SLC25A16: variants seen among roughly 807,000 people sequenced by gnomAD.
The protein encoded by SLC25A16 is mitochondrial coenzyme A transporter SLC25A16.
SLC25A16 carries 39 observed loss-of-function variants against 41.5 expected under a neutral mutation model. The observed-to-expected ratio is 0.94, with a 90% CI of 0.73 to 1.23. The LOEUF is 1.23. Among genes scored for constraint, SLC25A16 ranks in the 50% most tolerant of loss-of-function variants. The pLI, the probability that SLC25A16 is intolerant of heterozygous loss-of-function variation, is 0.00. For synonymous variants in SLC25A16, 146 were observed against 147.8 expected, an observed-to-expected ratio of 0.99 and a Z score of 0.09; for missense variants, 421 against 426.9, an observed-to-expected ratio of 0.99 and a Z score of 0.12.
At chr10:68,509,739 A>T (rs532287283) in intron 2 of SLC25A16, among the ~76,000 whole-genome samples, 2 of 132,526 alleles carry the variant, frequency 1.5e-5, no homozygotes, top group Non-Finnish European at 3.2e-5. Flanking sequence ...ATCTATATAT[A>T]TATCTATATA....
intron 1 of SLC25A16, among the ~76,000 whole-genome samples, chr10:68,519,368 TC>T (rs2053213781): frequency 6.6e-6 from 1 of 150,510 alleles, no homozygotes; most frequent in Non-Finnish European, 1.5e-5. Context: ...ACACCTGTAA[TC>T]CCAGCTACTC....
chr10:68,510,121 CAT>C (rs2053035149), intron 2 of SLC25A16, among the ~76,000 whole-genome samples: 1 of 152,124 alleles, frequency 6.6e-6, no homozygotes, highest in East Asian at 1.9e-4. Flanking sequence ...AAAATAAAAA[CAT>C]GTCTTTGATG....
chr10:68,506,449 T>TAA, intron 3 of SLC25A16, 136 bp downstream of exon 3: 274 of 533,156 alleles, frequency 5.1e-4, no homozygotes, highest in South Asian at 8.6e-4. Flanking sequence ...TCTCAAAAAT[T>TAA]AAAAAAAAAA....
intron 1 of SLC25A16, among the ~76,000 whole-genome samples, chr10:68,520,657 C>A (rs1430604372): frequency 6.6e-6 from 1 of 151,872 alleles, no homozygotes; most frequent in Non-Finnish European, 1.5e-5. Flanking sequence ...ACTAAAAATA[C>A]AAAAATTAGC....
Position 68,512,495 on chromosome 10 carries a change from C to G in SLC25A16, c.223+4256G>C, listed in dbSNP as rs1401094141. 6.2e-5 allele frequency among the ~76,000 whole-genome samples: 8 copies of G among 128,992 alleles called. 1 individual carries two copies. Among genetic ancestry groups the G allele is most frequent in the Non-Finnish European group, 1.6e-5 (1 of 62,270 alleles). The allele number at this position is 128,992 out of a possible 152,430, so 84.6% of individuals were successfully genotyped here. On this transcript the variant is annotated intron_variant, in intron 2 of 8. Transcript: ENST00000609923. ...TACTAAAAAAATACAAAAAATTAGCCGGGCGTAGTGGCGGGCGCCTGTAGT... is the reference window on the plus strand; with the variant it reads ...TACTAAAAAAATACAAAAAATTAGCGGGGCGTAGTGGCGGGCGCCTGTAGT...
At position 68,526,734 on chromosome 10, in the gene SLC25A16, T is replaced by C. The variant is rs60376257; in HGVS notation, c.130+512A>G. Among the ~76,000 whole-genome samples, 368 of 152,310 alleles carry C rather than the reference T, an allele frequency of 2.4e-3. 10 individuals are homozygous for C. In the East Asian group the frequency reaches 0.059, roughly 25 times the overall value. On this transcript the variant is annotated intron_variant, in intron 1 of 8. Transcript: ENST00000609923. ...TTTGATCCCAAAGTCACATCAATAATAGGGCTTGTCAAGTACTGTGTCACA... is the reference window on the plus strand; with the variant it reads ...TTTGATCCCAAAGTCACATCAATAACAGGGCTTGTCAAGTACTGTGTCACA...
At chr10:68,524,547 A>G (rs183047229) in intron 1 of SLC25A16, among the ~76,000 whole-genome samples, 1 of 150,580 alleles carries the variant, frequency 6.6e-6, no homozygotes, top group East Asian at 2.0e-4. Context: ...TCAAAAATAA[A>G]TAAATAAATA....
In SLC25A16 at chr10:68,488,638, C is replaced by A. The variant is rs1362169677; in HGVS notation, c.611-9G>T. The A allele has an allele frequency of 1.2e-5, 19 of 1,608,186 alleles. No individual in the cohort carries two copies. The African/African-American group carries it at 1.3e-4, about 11-fold the overall frequency. On this transcript the variant is annotated splice_polypyrimidine_tract_variant and intron_variant, in intron 6 of 8. Coordinates refer to ENST00000609923, the MANE Select transcript of SLC25A16 (RefSeq NM_152707.4). The stretch of plus-strand genomic sequence containing the variant: ...AGTAAAAAATGAAACACCTGAAAAA[C>A]AAAAAATAAATTCACCATGATGCTT...
intron 6 of SLC25A16, among the ~76,000 whole-genome samples, chr10:68,489,718 T>C (rs1047615560): frequency 1.6e-4 from 24 of 151,966 alleles, no homozygotes; most frequent in Non-Finnish European, 3.1e-4. Flanking sequence ...CTGGCCAACA[T>C]GGTGAAACCC....
At chr10:68,503,721 A>G (rs2052898540) in intron 3 of SLC25A16, 26 bp from the exon 4 acceptor site, 1 of 1,461,188 alleles carries the variant, frequency 6.8e-7, no homozygotes, top group Non-Finnish European at 9.5e-7. Context: ...ACTGAATTAA[A>G]TGAGATATTT....
rs2052470782 is a variant in SLC25A16 at position 68,480,384 on chromosome 10, A to G, written c.*3048T>C. The G allele has an allele frequency of 1.3e-5, 2 of 152,084 alleles. No individual in the cohort carries two copies. Among genetic ancestry groups the G allele is most frequent in the Non-Finnish European group, 2.9e-5 (2 of 68,018 alleles). 9.4% of individuals were successfully genotyped at this position (152,084 alleles called of 1,614,324 possible). Reference sequence around the variant, plus strand: ...AAAGAAAGAAATTGTCAAAACATGGATAAAATTTATTTTTAATATCCTCTG... The same window carrying G: ...AAAGAAAGAAATTGTCAAAACATGGGTAAAATTTATTTTTAATATCCTCTG... On this transcript the variant is annotated 3_prime_UTR_variant, in exon 9 of 9. Coordinates refer to ENST00000609923, the MANE Select transcript of SLC25A16 (RefSeq NM_152707.4).
Position 68,516,847 on chromosome 10 carries a change from A to C in SLC25A16, c.131-4T>G. The C allele has an allele frequency of 6.2e-7, 1 of 1,605,542 alleles. No individual in the cohort carries two copies. The highest frequency in any genetic ancestry group is 8.5e-7 in the Non-Finnish European group (1 of 1,174,284). Reference sequence around the variant, plus strand: ...TTGGCACAGCATCCAGCAATACCTAAAAATTTTTCAAAAGGTCAGGAAGAA... The same window carrying C: ...TTGGCACAGCATCCAGCAATACCTACAAATTTTTCAAAAGGTCAGGAAGAA... On this transcript the variant is annotated splice_polypyrimidine_tract_variant and splice_region_variant and intron_variant, in intron 1 of 8. Transcript: ENST00000609923.
chr10:68,518,803 A>AAATT (rs201477328), intron 1 of SLC25A16, among the ~76,000 whole-genome samples: 300 of 121,194 alleles, frequency 2.5e-3, no homozygotes, highest in African/African-American at 9.0e-3. Flanking sequence ...ATAAATAAAT[A>AAATT]AATAAATTAA....
rs1225451784 is a variant in SLC25A16 at position 68,524,255 on chromosome 10, C to A, written c.130+2991G>T. Among the ~76,000 whole-genome samples, 15 of 131,696 alleles carry A rather than the reference C, an allele frequency of 1.1e-4. No homozygotes were observed. The Admixed American group carries it at 1.4e-3, about 12-fold the overall frequency. The allele number at this position is 131,696 out of a possible 152,430, so 86.4% of individuals were successfully genotyped here. On this transcript the variant is annotated intron_variant, in intron 1 of 8. Transcript: ENST00000609923. ...AACCCGGGAGGCAGAGATGAGATTGCAGTGAGCCGAGAGCACGCCACTGCA... is the reference window on the plus strand; with the variant it reads ...AACCCGGGAGGCAGAGATGAGATTGAAGTGAGCCGAGAGCACGCCACTGCA...
rs1361679198 is a variant in SLC25A16 at position 68,481,041 on chromosome 10, T to C, written c.*2391A>G. The C allele has an allele frequency of 1.3e-5, 2 of 151,860 alleles. No homozygotes were observed. Among genetic ancestry groups the C allele is most frequent in the Non-Finnish European group, 2.9e-5 (2 of 68,032 alleles). The allele number at this position is 151,860 out of a possible 1,614,324, so 9.4% of individuals were successfully genotyped here. On this transcript the variant is annotated 3_prime_UTR_variant, in exon 9 of 9. Transcript: ENST00000609923. The stretch of plus-strand genomic sequence containing the variant: ...TACAGCCACCCAGGCTGGAGTGCAA[T>C]GGCGCAATCTTGGCTCACTGCAACC...
chr10:68,519,028 A>G (rs1015716400), intron 1 of SLC25A16, among the ~76,000 whole-genome samples: 27 of 150,356 alleles, frequency 1.8e-4, no homozygotes, highest in Non-Finnish European at 3.8e-4. Flanking sequence ...CCCTGTCTCT[A>G]CTAAAAATAC....
chr10:68,490,334 AAAG>A (rs1233423536), intron 6 of SLC25A16, among the ~76,000 whole-genome samples: 1 of 151,932 alleles, frequency 6.6e-6, no homozygotes, highest in African/African-American at 2.4e-5. Context: ...ATGACTGGGA[AAAG>A]AAGAGACTTT....
At position 68,483,213 on chromosome 10, in the gene SLC25A16, A is replaced by C; in HGVS notation, c.*219T>G. The stretch of plus-strand genomic sequence containing the variant: ...CGGTTTAGCCAGCATCAGCTTAGGA[A>C]TATTTTCTTCAATGTTCTAAGGTAT... On this transcript the variant is annotated 3_prime_UTR_variant, in exon 9 of 9. Coordinates refer to ENST00000609923, the MANE Select transcript of SLC25A16 (RefSeq NM_152707.4). 4 of 376,934 alleles carry C rather than the reference A, an allele frequency of 1.1e-5. No individual in the cohort carries two copies. Among genetic ancestry groups the C allele is most frequent in the Non-Finnish European group, 9.4e-6 (2 of 211,802 alleles). 23.3% of individuals were successfully genotyped at this position (376,934 alleles called of 1,614,324 possible).
chr10:68,513,193 T>A lies in SLC25A16; in HGVS notation c.223+3558A>T, dbSNP rs551640680. Among the ~76,000 whole-genome samples the A allele has an allele frequency of 3.0e-4, 44 of 147,818 alleles. 1 individual carries two copies. Among genetic ancestry groups the A allele is most frequent in the African/African-American group, 1.1e-3 (42 of 39,732 alleles). ...GACCTACTCTCTATTTTTTTTTTTT[T>A]AATAAAAAATAAGAAACCAGCCTGG... On this transcript the variant is annotated intron_variant, in intron 2 of 8. Transcript: ENST00000609923.
Sources: allele counts gnomAD v4.1 joint callset (sites outside exome capture counted in the v4.1 genomes callset), GRCh38; gene constraint gnomAD v4.1.1; transcripts MANE v1.5; gene names NCBI Gene and HGNC (gene_info 2026-07-23, HGNC 2026-07-21).